Variants in B3GAT2 observed in about 807,000 individuals in gnomAD.
B3GAT2 encodes the protein galactosylgalactosylxylosylprotein 3-beta-glucuronosyltransferase 2.
B3GAT2 carries 26 observed loss-of-function variants against 27.8 expected under a neutral mutation model. The ratio of observed to expected loss-of-function variants is 0.93; its 90% confidence interval spans 0.68 to 1.30. B3GAT2 has a LOEUF of 1.30. Among genes scored for constraint, B3GAT2 ranks in the 50% most tolerant of loss-of-function variants. The probability of loss-of-function intolerance (pLI) is 0.00; values close to 1 mark genes in which losing one functional copy is unlikely to be tolerated. For missense variants in B3GAT2, 458 were observed against 459.0 expected, an observed-to-expected ratio of 1.00 and a Z score of 0.02; for synonymous variants, 218 against 195.1, an observed-to-expected ratio of 1.12 and a Z score of -0.98.
chr6:70,879,700 A>G (rs888159182), intron 2 of B3GAT2, among the ~76,000 whole-genome samples: 2 of 152,114 alleles, frequency 1.3e-5, no homozygotes, highest in African/African-American at 4.8e-5. Context: ...TGCTATGTGA[A>G]GAAATCTGAC....
Position 70,861,175 on chromosome 6 carries a change from A to T in B3GAT2, c.*488T>A. ...TAAACATGACTCCATAGACCTTTTC[A>T]TTTGTGGGTTTTTATTTCCTATGAT... On this transcript the variant is annotated 3_prime_UTR_variant, in exon 4 of 4. Transcript: ENST00000230053. 6.1e-6 allele frequency: 1 copy of T among 164,158 alleles called. No homozygotes were observed. 10.2% of individuals were successfully genotyped at this position (164,158 alleles called of 1,614,324 possible). A position where few individuals can be genotyped will look rare whatever the true frequency, so the allele number is the denominator to read the frequency against.
intron 1 of B3GAT2, among the ~76,000 whole-genome samples, chr6:70,932,926 C>G (rs1198615310): frequency 2.0e-5 from 3 of 152,132 alleles, no homozygotes; most frequent in Non-Finnish European, 4.4e-5. Context: ...CTCAGCCTCT[C>G]AAGTAGCTGA....
rs1771615616 is a variant in B3GAT2, at chr6:70,859,649, A to G, written c.*2014T>C. 1 of 285,610 alleles carries G rather than the reference A, an allele frequency of 3.5e-6. No homozygotes were observed. The highest frequency in any genetic ancestry group is 6.4e-6 in the Non-Finnish European group (1 of 155,308). 17.7% of individuals were successfully genotyped at this position (285,610 alleles called of 1,614,324 possible). On this transcript the variant is annotated 3_prime_UTR_variant, in exon 4 of 4. Coordinates refer to ENST00000230053, the MANE Select transcript of B3GAT2 (RefSeq NM_080742.3). Reference sequence around the variant, plus strand: ...ACAGGGTTAAGATGCTTATATATATATATATTTGACTCCAGTCTTGAAGAA... The same window carrying G: ...ACAGGGTTAAGATGCTTATATATATGTATATTTGACTCCAGTCTTGAAGAA...
intron 1 of B3GAT2, among the ~76,000 whole-genome samples, chr6:70,920,343 A>G (rs763986940): frequency 5.3e-5 from 8 of 152,128 alleles, no homozygotes; most frequent in Non-Finnish European, 1.2e-4. Context: ...CTTCCCTTGG[A>G]TAGGAAAGGG....
intron 1 of B3GAT2, among the ~76,000 whole-genome samples, chr6:70,913,023 T>C (rs1314343336): frequency 1.3e-5 from 2 of 152,168 alleles, no homozygotes; most frequent in Non-Finnish European, 2.9e-5. Flanking sequence ...ATGTCCTCTT[T>C]GTCATTTCTG....
chr6:70,925,453 T>C (rs1391602386), intron 1 of B3GAT2, among the ~76,000 whole-genome samples: 2 of 152,210 alleles, frequency 1.3e-5, no homozygotes, highest in Non-Finnish European at 2.9e-5. Flanking sequence ...GCCCTAATAC[T>C]GCGCTTTTCC....
chr6:70,898,751 G>C (rs1316037765), intron 1 of B3GAT2, among the ~76,000 whole-genome samples: 2 of 152,120 alleles, frequency 1.3e-5, no homozygotes, highest in East Asian at 3.9e-4. Flanking sequence ...CACACAGCAG[G>C]TATTAAACAA....
At chr6:70,898,916 T>C (rs1772440909) in intron 1 of B3GAT2, among the ~76,000 whole-genome samples, 1 of 151,832 alleles carries the variant, frequency 6.6e-6, no homozygotes. Flanking sequence ...TGAGATGTGA[T>C]TGCACCACTG....
chr6:70,936,519 C>T (rs1765283310), intron 1 of B3GAT2, among the ~76,000 whole-genome samples: 1 of 152,058 alleles, frequency 6.6e-6, no homozygotes, highest in Admixed American at 6.5e-5. Context: ...CTCTCCTCAG[C>T]AAATGTAAAA....
intron 1 of B3GAT2, among the ~76,000 whole-genome samples, chr6:70,912,716 T>C (rs1216131502): frequency 6.6e-6 from 1 of 152,132 alleles, no homozygotes; most frequent in Non-Finnish European, 1.5e-5. Flanking sequence ...CCCTCCTCCT[T>C]AATTTTTTGG....
At chr6:70,880,211 G>T (rs1045730886) in intron 2 of B3GAT2, among the ~76,000 whole-genome samples, 2 of 152,138 alleles carry the variant, frequency 1.3e-5, no homozygotes, top group African/African-American at 4.8e-5. Context: ...AGAACTAAGA[G>T]TAGTGGTGGC....
chr6:70,945,185 C>T (rs1044124546), intron 1 of B3GAT2, among the ~76,000 whole-genome samples: 1 of 152,190 alleles, frequency 6.6e-6, no homozygotes, highest in Admixed American at 6.5e-5. Context: ...CCCAAAGGAA[C>T]ACAGTTCCTC....
At chr6:70,881,638 A>T (rs1358272822) in intron 2 of B3GAT2, among the ~76,000 whole-genome samples, 1 of 152,140 alleles carries the variant, frequency 6.6e-6, no homozygotes, top group Admixed American at 6.5e-5. Context: ...ACTGCCCAGA[A>T]GTCAGGCAGA....
Position 70,859,990 on chromosome 6 carries a change from A to AAT in B3GAT2, c.*1671_*1672dup. 1 of 456,156 alleles carries AAT rather than the reference A, an allele frequency of 2.2e-6. No individual in the cohort carries two copies. The highest frequency in any genetic ancestry group is 5.7e-5 in the South Asian group (1 of 17,504). 28.3% of individuals were successfully genotyped at this position (456,156 alleles called of 1,614,324 possible). On this transcript the variant is annotated 3_prime_UTR_variant, in exon 4 of 4. Coordinates refer to ENST00000230053, the MANE Select transcript of B3GAT2 (RefSeq NM_080742.3). Reference sequence around the variant, plus strand: ...ATTTTTTTTTAAGTAAGTTGTGGTTAATCTTTGGGGAAACTGTATCTAGAA... The same window carrying AAT: ...ATTTTTTTTTAAGTAAGTTGTGGTTAATATCTTTGGGGAAACTGTATCTAGAA...
Position 70,956,336 on chromosome 6 carries a change from G to GCACTGGCCTGCGCGTGTC in B3GAT2, c.76_93dup (p.Asp26_Val31dup), listed in dbSNP as rs1413191931. Reference sequence around the variant, plus strand: ...AAGTAGGGGCGCGGGGTGAGCGGGGGCACTGGCCTGCGCGTGTCCACGTCG... The same window carrying GCACTGGCCTGCGCGTGTC: ...AAGTAGGGGCGCGGGGTGAGCGGGGGCACTGGCCTGCGCGTGTCCACTGGCCTGCGCGTGTCCACGTCG... On this transcript the variant is annotated inframe_insertion, in exon 1 of 4. Transcript: ENST00000230053. 3.2e-6 allele frequency: 5 copies of GCACTGGCCTGCGCGTGTC among 1,574,538 alleles called. No individual in the cohort carries two copies. The highest frequency in any genetic ancestry group is 3.8e-5 in the Admixed American group (2 of 53,094).
chr6:70,925,998 C>G (rs1772950008), intron 1 of B3GAT2, among the ~76,000 whole-genome samples: 1 of 152,212 alleles, frequency 6.6e-6, no homozygotes. Context: ...ATTTGTTGTT[C>G]TGCAGCCTCT....
intron 1 of B3GAT2, among the ~76,000 whole-genome samples, chr6:70,947,317 A>G (rs1765503718): frequency 6.6e-6 from 1 of 152,108 alleles, no homozygotes; most frequent in South Asian, 2.1e-4. Context: ...AGGATCAACA[A>G]AATTGATAGA....
intron 1 of B3GAT2, among the ~76,000 whole-genome samples, chr6:70,941,744 T>C (rs1765397067): frequency 6.6e-6 from 1 of 152,196 alleles, no homozygotes; most frequent in Non-Finnish European, 1.5e-5. Flanking sequence ...TTTCAGGGAT[T>C]AAACTCTGTT....
intron 1 of B3GAT2, among the ~76,000 whole-genome samples, chr6:70,944,738 C>G (rs1765450464): frequency 6.6e-6 from 1 of 152,174 alleles, no homozygotes; most frequent in Admixed American, 6.5e-5. Flanking sequence ...CAGCACGCAG[C>G]TGGAGATCTG....
Sources: gnomAD v4.1 joint callset for allele counts (sites outside exome capture counted in the v4.1 genomes callset) on GRCh38, gnomAD v4.1.1 for gene constraint, MANE v1.5 for transcripts, NCBI Gene and HGNC (gene_info 2026-07-23, HGNC 2026-07-21) for gene names.